The following CD96 variants were observed in gnomAD, a reference collection of about 807,000 sequenced individuals.
The protein encoded by CD96 is T-cell surface protein tactile.
CD96 carries 70 observed loss-of-function variants against 71.3 expected under a neutral mutation model. That is an observed-to-expected ratio of 0.98 (90% CI 0.81 to 1.20). The LOEUF is 1.20. CD96 is among the 50% of genes most tolerant of loss of function. The pLI is 0.00. For missense variants in CD96, 742 were observed against 677.5 expected, an observed-to-expected ratio of 1.10 and a Z score of -1.06; for synonymous variants, 248 against 233.0, an observed-to-expected ratio of 1.06 and a Z score of -0.59.
intron 10 of CD96, among the ~76,000 whole-genome samples, chr3:111,624,909 A>G (rs6780210): frequency 0.26 from 39,356 of 152,200 alleles, 6,054 homozygotes; most frequent in African/African-American, 0.44. Context: ...AGAGTCTGTA[A>G]GTGCTGCTTT....
rs771885416 is a variant in CD96 at position 111,585,338 on chromosome 3, C to T, written c.767C>T (p.Pro256Leu). ...TVKVFAKPEI[P>L]VIVENNSTDV... is the part of the protein sequence containing the mutation. ...TGCCTTTAAGCTAAACCAGAAATCC[C>T]TGTGATTGTGGAAAATAACTCCACG... Residue 256 changes from proline to leucine, a missense_variant, in exon 5 of 14, where the codon CCT becomes CTT. Physicochemically the swap from Pro to Leu is moderately conservative, Grantham distance 98. Transcript: ENST00000352690. The T allele has an allele frequency of 8.1e-6, 13 of 1,611,332 alleles. No homozygotes were observed. Among genetic ancestry groups the T allele is most frequent in the Non-Finnish European group, 1.1e-5 (13 of 1,177,654 alleles).
At chr3:111,566,303 T>C (rs1449208954) in intron 2 of CD96, among the ~76,000 whole-genome samples, 4 of 152,002 alleles carry the variant, frequency 2.6e-5, no homozygotes, top group Non-Finnish European at 5.9e-5. Flanking sequence ...AGCATGAGGA[T>C]GATCCTTGCT....
chr3:111,620,243 G>A (rs1938454326), intron 8 of CD96, among the ~76,000 whole-genome samples: 1 of 152,234 alleles, frequency 6.6e-6, no homozygotes, highest in African/African-American at 2.4e-5. Flanking sequence ...TCTGGTTGAT[G>A]TCCATCTCCT....
chr3:111,643,425 A>C (rs1009556274), intron 12 of CD96, among the ~76,000 whole-genome samples: 1 of 152,172 alleles, frequency 6.6e-6, no homozygotes, highest in Non-Finnish European at 1.5e-5. Context: ...AGGGCAAAAC[A>C]AGAATGCCCA....
At chr3:111,637,502 T>TA (rs2107755330) in intron 11 of CD96, among the ~76,000 whole-genome samples, 1 of 152,382 alleles carries the variant, frequency 6.6e-6, no homozygotes, top group East Asian at 1.9e-4. Context: ...TAGCATTTTT[T>TA]ACTAGTTATA....
intron 12 of CD96, among the ~76,000 whole-genome samples, chr3:111,643,414 T>C (rs1939685127): frequency 6.6e-6 from 1 of 152,094 alleles, no homozygotes; most frequent in South Asian, 2.1e-4. Context: ...CTCTTAGAAC[T>C]AGGGCAAAAC....
chr3:111,547,197 G>A (rs1245591997), intron 2 of CD96, among the ~76,000 whole-genome samples: 1 of 152,146 alleles, frequency 6.6e-6, no homozygotes, highest in Non-Finnish European at 1.5e-5. Flanking sequence ...TCTGTGTAAT[G>A]CACTTAAACA....
rs34837219 is a variant in CD96, at chr3:111,553,434, CTTTTTTT to C, written c.418+8041_418+8047del. The stretch of plus-strand genomic sequence containing the variant: ...TGATAACATTTAGGTTTTCTTTTTT[CTTTTTTT>C]TTTTTTTTGGCAAGACTACGTGATA... On this transcript the variant is annotated intron_variant, in intron 2 of 13. Coordinates refer to ENST00000352690, the MANE Select transcript of CD96 (RefSeq NM_005816.5). 4.3e-5 allele frequency among the ~76,000 whole-genome samples: 5 copies of C among 115,184 alleles called. No individual in the cohort carries two copies. In the South Asian group the frequency reaches 8.3e-4, roughly 19 times the overall value. 75.6% of individuals were successfully genotyped at this position (115,184 alleles called of 152,430 possible).
intron 3 of CD96, among the ~76,000 whole-genome samples, chr3:111,575,754 G>T (rs994626596): frequency 1.3e-5 from 2 of 152,228 alleles, no homozygotes; most frequent in Admixed American, 6.5e-5. Context: ...ATGTTCTCCA[G>T]AGAGGACAAA....
At chr3:111,544,530 G>A (rs558838686) in intron 1 of CD96, among the ~76,000 whole-genome samples, 15 of 152,172 alleles carry the variant, frequency 9.9e-5, no homozygotes, top group Non-Finnish European at 1.5e-4. Flanking sequence ...CACCTATGGC[G>A]TGTGAGGGGG....
intron 4 of CD96, chr3:111,579,459 A>G (rs2107585261): frequency 1.6e-6 from 1 of 607,870 alleles, no homozygotes; most frequent in South Asian, 1.7e-5. Flanking sequence ...GAAGCCAATA[A>G]TTTTCTGTAT....
chr3:111,634,034 A>T (rs542204402), intron 10 of CD96: 4 of 153,016 alleles, frequency 2.6e-5, no homozygotes, highest in African/African-American at 9.6e-5. Flanking sequence ...ATAACAAATT[A>T]TCTGTGGTTT....
chr3:111,585,283 G>T, intron 4 of CD96, 40 bp from the exon 5 acceptor site: 3 of 1,349,478 alleles, frequency 2.2e-6, no homozygotes, highest in Non-Finnish European at 3.2e-6. Context: ...CAGGTAGGAT[G>T]ACATTTGGTG....
chr3:111,577,871 T>C (rs1382816702), intron 3 of CD96, among the ~76,000 whole-genome samples: 1 of 152,194 alleles, frequency 6.6e-6, no homozygotes, highest in Non-Finnish European at 1.5e-5. Flanking sequence ...CCCCATTGAA[T>C]GCACTCCTGT....
At chr3:111,570,767 C>T (rs1324938858) in intron 3 of CD96, 1 of 1,613,520 alleles carries the variant, frequency 6.2e-7, no homozygotes, top group African/African-American at 1.3e-5. Context: ...CCTCCTCATC[C>T]TCTAGATCCA....
chr3:111,608,483 G>T (rs558962041), intron 8 of CD96, among the ~76,000 whole-genome samples: 2 of 152,340 alleles, frequency 1.3e-5, no homozygotes, highest in East Asian at 3.9e-4. Flanking sequence ...AAAAGGCAAT[G>T]TGGTTTGATC....
intron 9 of CD96, 72 bp downstream of exon 9, chr3:111,623,894 T>C: frequency 2.1e-6 from 2 of 973,954 alleles, no homozygotes; most frequent in Non-Finnish European, 3.4e-6. Context: ...ACTGCTTCTA[T>C]AATGTTGACG....
At chr3:111,639,564 A>G (rs182198399) in intron 12 of CD96, among the ~76,000 whole-genome samples, 48 of 152,280 alleles carry the variant, frequency 3.2e-4, no homozygotes, top group Admixed American at 2.9e-3. Context: ...GTGAAAGACA[A>G]AGGGCATATA....
At position 111,650,003 on chromosome 3, in the gene CD96, G is replaced by A. The variant is rs1055949488; in HGVS notation, c.*197G>A. On this transcript the variant is annotated 3_prime_UTR_variant, in exon 14 of 14. Transcript: ENST00000352690. ...GCCTGAAGCTTAACCAAGAGTGAGA[G>A]GATATGTCATGTTCACACTCAATGC... The A allele has an allele frequency of 5.2e-5, 32 of 615,530 alleles. No homozygotes were observed. Among genetic ancestry groups the A allele is most frequent in the Non-Finnish European group, 8.6e-5 (29 of 336,954 alleles). 38.1% of individuals were successfully genotyped at this position (615,530 alleles called of 1,614,324 possible).
Sources: gnomAD v4.1 joint callset for allele counts (sites outside exome capture counted in the v4.1 genomes callset) on GRCh38, gnomAD v4.1.1 for gene constraint, MANE v1.5 for transcripts, NCBI Gene and HGNC (gene_info 2026-07-23, HGNC 2026-07-21) for gene names.